LRMDA: variants seen among roughly 807,000 people sequenced by gnomAD.
LRMDA encodes leucine-rich melanocyte differentiation-associated protein.
LRMDA carries 18 observed loss-of-function variants against 29.8 expected under a neutral mutation model. That is an observed-to-expected ratio of 0.60 (90% CI 0.42 to 0.90). The LOEUF (loss-of-function observed/expected upper bound fraction) is 0.90. LRMDA is among the 40% of genes least tolerant of loss of function. LRMDA has a pLI of 0.00. For missense variants in LRMDA, 273 were observed against 273.9 expected (o/e 1.00, Z 0.02); for synonymous variants, 125 against 109.4 (o/e 1.14, Z -0.89).
chr10:75,963,836 A>T (rs572573293), intron 2 of LRMDA, among the ~76,000 whole-genome samples: 16 of 152,364 alleles, frequency 1.1e-4, no homozygotes, highest in Admixed American at 7.2e-4. Context: ...ATTTTTGTCC[A>T]GTTCAGATTA....
chr10:76,475,139 T>C (rs186617927), intron 6 of LRMDA, among the ~76,000 whole-genome samples: 104 of 151,724 alleles, frequency 6.9e-4, no homozygotes, highest in African/African-American at 2.4e-3. Context: ...GGTAAATTCA[T>C]AGAGACCAAA....
At chr10:75,485,109 TTATCAA>T (rs1449009170) in intron 2 of LRMDA, among the ~76,000 whole-genome samples, 2 of 152,206 alleles carry the variant, frequency 1.3e-5, no homozygotes, top group Non-Finnish European at 2.9e-5. Context: ...TCTGTTAACT[TTATCAA>T]TATCTGCTAT....
At chr10:75,554,171 G>A (rs531394032) in intron 2 of LRMDA, among the ~76,000 whole-genome samples, 1 of 152,100 alleles carries the variant, frequency 6.6e-6, no homozygotes, top group Admixed American at 6.5e-5. Flanking sequence ...TAGATTATCT[G>A]GCTTTTTCCT....
At chr10:76,197,345 A>T (rs1053662700) in intron 5 of LRMDA, among the ~76,000 whole-genome samples, 6 of 152,190 alleles carry the variant, frequency 3.9e-5, no homozygotes, top group African/African-American at 1.4e-4. Context: ...TATTTTTATA[A>T]TTGGGGACTG....
chr10:75,519,678 A>G (rs543739502), intron 2 of LRMDA, among the ~76,000 whole-genome samples: 1 of 152,230 alleles, frequency 6.6e-6, no homozygotes, highest in Non-Finnish European at 1.5e-5. Context: ...TAGCCCATTT[A>G]CATTTAAGGT....
intron 6 of LRMDA, among the ~76,000 whole-genome samples, chr10:76,543,829 T>C (rs1374932956): frequency 6.6e-6 from 1 of 152,218 alleles, no homozygotes; most frequent in African/African-American, 2.4e-5. Flanking sequence ...TGCCCAATGT[T>C]CATTCAAATA....
At chr10:76,542,030 CA>C (rs758369872) in intron 6 of LRMDA, among the ~76,000 whole-genome samples, 2 of 148,434 alleles carry the variant, frequency 1.3e-5, no homozygotes, top group Non-Finnish European at 3.0e-5. Flanking sequence ...TGCATGTATA[CA>C]TGCATGCATG....
intron 2 of LRMDA, among the ~76,000 whole-genome samples, chr10:75,465,444 CAT>C (rs1201580796): frequency 6.6e-6 from 1 of 152,312 alleles, no homozygotes; most frequent in East Asian, 1.9e-4. Context: ...CTTTTGTATG[CAT>C]ACTGTGGGAC....
chr10:75,725,794 C>G (rs994822583), intron 2 of LRMDA, among the ~76,000 whole-genome samples: 1 of 152,198 alleles, frequency 6.6e-6, no homozygotes, highest in East Asian at 1.9e-4. Flanking sequence ...AGGACTGTAT[C>G]TACCTTGCCT....
chr10:75,632,728 A>T lies in LRMDA; in HGVS notation c.131+194234A>T, dbSNP rs549103153. Among the ~76,000 whole-genome samples the T allele has an allele frequency of 2.2e-4, 32 of 148,418 alleles. 1 individual carries two copies. In the South Asian group the frequency reaches 6.5e-3, roughly 30 times the overall value. On this transcript the variant is annotated intron_variant, in intron 2 of 6. Coordinates refer to ENST00000611255, the MANE Select transcript of LRMDA (RefSeq NM_001305581.2). ...AGCCTGTGTCTTTTCTGATGCAGAA[A>T]GGCTGAACATGTCCCTAAAGAGTGA...
chr10:75,551,100 T>A (rs1840137563), intron 2 of LRMDA, among the ~76,000 whole-genome samples: 1 of 151,972 alleles, frequency 6.6e-6, no homozygotes, highest in Non-Finnish European at 1.5e-5. Flanking sequence ...ATGAAAATAT[T>A]CTGTTTAAAT....
At chr10:75,515,225 G>C (rs866607927) in intron 2 of LRMDA, among the ~76,000 whole-genome samples, 2 of 152,148 alleles carry the variant, frequency 1.3e-5, no homozygotes, top group African/African-American at 4.8e-5. Context: ...GGTGGATGGT[G>C]GTGGGGAGTA....
intron 2 of LRMDA, among the ~76,000 whole-genome samples, chr10:75,776,288 T>G (rs16932633): frequency 0.02 from 3,023 of 152,248 alleles, 96 homozygotes; most frequent in East Asian, 0.13. Context: ...CTCACAGAGA[T>G]GATTCAGTCC....
intron 2 of LRMDA, among the ~76,000 whole-genome samples, chr10:75,678,020 CTG>C (rs1384668491): frequency 6.6e-6 from 1 of 152,140 alleles, no homozygotes; most frequent in Non-Finnish European, 1.5e-5. Context: ...CAAAGCTAAA[CTG>C]TGTTATTGAT....
chr10:75,750,670 C>T (rs542603252), intron 2 of LRMDA, among the ~76,000 whole-genome samples: 2 of 147,898 alleles, frequency 1.4e-5, no homozygotes, highest in Non-Finnish European at 1.5e-5. Context: ...CTCCTCACTT[C>T]CCAGACGGGA....
At chr10:76,260,079 A>G (rs890553652) in intron 5 of LRMDA, among the ~76,000 whole-genome samples, 1 of 152,024 alleles carries the variant, frequency 6.6e-6, no homozygotes, top group African/African-American at 2.4e-5. Flanking sequence ...ATTTACATAC[A>G]AGGTTATTAC....
chr10:75,964,242 T>C (rs150644206), intron 2 of LRMDA, among the ~76,000 whole-genome samples: 1 of 152,326 alleles, frequency 6.6e-6, no homozygotes, highest in Non-Finnish European at 1.5e-5. Context: ...AGAAAATATG[T>C]TACTGGACTC....
At chr10:75,712,414 C>T (rs1011179875) in intron 2 of LRMDA, among the ~76,000 whole-genome samples, 30 of 111,804 alleles carry the variant, frequency 2.7e-4, no homozygotes, top group Non-Finnish European at 3.5e-4. Context: ...GATCCGGAAG[C>T]AGGGAGGTGG....
At chr10:75,715,449 CT>C (rs543289486) in intron 2 of LRMDA, among the ~76,000 whole-genome samples, 43 of 150,956 alleles carry the variant, frequency 2.8e-4, no homozygotes, top group African/African-American at 8.5e-4. Context: ...TCTTAACTGC[CT>C]TTTTTTTTAA....
Sources: allele counts gnomAD v4.1 joint callset (sites outside exome capture counted in the v4.1 genomes callset), GRCh38; gene constraint gnomAD v4.1.1; transcripts MANE v1.5; gene names NCBI Gene and HGNC (gene_info 2026-07-23, HGNC 2026-07-21).